The following DLG2 variants were observed in gnomAD, a reference collection of about 807,000 sequenced individuals.
The protein encoded by DLG2 is discs large MAGUK scaffold protein 2.
Under a neutral mutation model 132.5 loss-of-function variants are expected in DLG2, and 45 were observed. The ratio of observed to expected loss-of-function variants is 0.34; its 90% CI spans 0.27 to 0.44. The LOEUF (loss-of-function observed/expected upper bound fraction) is 0.44, where lower values mean the gene tolerates loss of function less well. Among genes scored for constraint, DLG2 ranks in the 20% least tolerant of loss-of-function variants. DLG2 has a pLI of 1.00. For synonymous variants in DLG2, 424 were observed against 419.6 expected, an observed-to-expected ratio of 1.01 and a Z score of -0.13; for missense variants, 1,045 against 1,196.9, an observed-to-expected ratio of 0.87 and a Z score of 1.87.
rs34731158 is a variant in DLG2 at position 83,726,112 on chromosome 11, TA to T, written c.1825+60577del. ...ATCTAAGTGTAAATGTTTTATTTTT[TA>T]AAAAAAATCAGCTGTGAATGTATTC... On this transcript the variant is annotated intron_variant, in intron 18 of 27. Coordinates refer to ENST00000376104, the MANE Select transcript of DLG2 (RefSeq NM_001142699.3). 1.8e-3 allele frequency among the ~76,000 whole-genome samples: 268 copies of T among 152,234 alleles called. 1 individual carries two copies. Among genetic ancestry groups the T allele is most frequent in the African/African-American group, 6.3e-3 (263 of 41,552 alleles).
intron 18 of DLG2, among the ~76,000 whole-genome samples, chr11:83,703,268 G>A (rs2083284319): frequency 6.6e-6 from 1 of 152,138 alleles, no homozygotes; most frequent in South Asian, 2.1e-4. Flanking sequence ...AAAAAACAGT[G>A]ACAAAGAAAC....
At position 85,528,377 on chromosome 11, in the gene DLG2, G is replaced by A. The variant is rs140452894; in HGVS notation, c.40+70280C>T. ...TAATTTTTGTATAAGGTGTAAGGAAGGGGTCCAGTTTCTGTTTACTGCATA... is the reference window on the plus strand; with the variant it reads ...TAATTTTTGTATAAGGTGTAAGGAAAGGGTCCAGTTTCTGTTTACTGCATA... On this transcript the variant is annotated intron_variant, in intron 3 of 27. Coordinates refer to ENST00000376104, the MANE Select transcript of DLG2 (RefSeq NM_001142699.3). Among the ~76,000 whole-genome samples, 47 of 152,248 alleles carry A rather than the reference G, an allele frequency of 3.1e-4. 3 individuals carry two copies. The East Asian group carries it at 8.9e-3, about 29-fold the overall frequency.
intron 7 of DLG2, among the ~76,000 whole-genome samples, chr11:84,441,707 C>A (rs1037874410): frequency 1.3e-5 from 2 of 152,166 alleles, no homozygotes; most frequent in African/African-American, 2.4e-5. Flanking sequence ...ACATGTCAAA[C>A]CTTAAGGGCC....
rs1481051660 is a variant in DLG2, at chr11:83,516,177, T to G, written c.2193+16531A>C. 3.3e-5 allele frequency among the ~76,000 whole-genome samples: 5 copies of G among 152,170 alleles called. No homozygotes were observed. In the South Asian group the frequency reaches 1.0e-3, roughly 32 times the overall value. ...GGGAGTGTAAGTCTCTTTGTAGGTC[T>G]CTAAGGACTTGCTTTATGAATCTGG... On this transcript the variant is annotated intron_variant, in intron 21 of 27. Transcript: ENST00000376104.
chr11:84,661,595 T>C (rs1011845597), intron 6 of DLG2, among the ~76,000 whole-genome samples: 1 of 152,178 alleles, frequency 6.6e-6, no homozygotes, highest in Non-Finnish European at 1.5e-5. Flanking sequence ...TAATTCACTA[T>C]GGACCAAGAG....
At chr11:84,168,576 A>T (rs2154267129) in intron 8 of DLG2, among the ~76,000 whole-genome samples, 1 of 152,296 alleles carries the variant, frequency 6.6e-6, no homozygotes, top group East Asian at 1.9e-4. Context: ...AGTGGCTAGC[A>T]ATGATGACTA....
intron 6 of DLG2, among the ~76,000 whole-genome samples, chr11:84,614,313 G>C (rs1593813198): frequency 6.6e-6 from 1 of 152,096 alleles, no homozygotes; most frequent in Admixed American, 6.6e-5. Context: ...CTTTATGAAA[G>C]AGGTAACGTC....
intron 3 of DLG2, among the ~76,000 whole-genome samples, chr11:85,293,390 C>A (rs1276033598): frequency 6.6e-6 from 1 of 152,040 alleles, no homozygotes; most frequent in Non-Finnish European, 1.5e-5. Context: ...TATAGTGAGA[C>A]CTCATCTCTG....
At chr11:84,097,500 T>A (rs2097181604) in intron 10 of DLG2, among the ~76,000 whole-genome samples, 1 of 152,160 alleles carries the variant, frequency 6.6e-6, no homozygotes, top group African/African-American at 2.4e-5. Flanking sequence ...CATCTTCACT[T>A]ATGCTTTCTG....
chr11:83,963,597 T>C (rs750723641), intron 13 of DLG2, among the ~76,000 whole-genome samples: 1 of 151,978 alleles, frequency 6.6e-6, no homozygotes, highest in African/African-American at 2.4e-5. Context: ...CCATTTTATA[T>C]GTTGAGATGA....
chr11:84,277,931 T>A (rs890469344), intron 7 of DLG2, among the ~76,000 whole-genome samples: 5 of 152,168 alleles, frequency 3.3e-5, no homozygotes, highest in Non-Finnish European at 5.9e-5. Context: ...TTTATTTATT[T>A]ATTCTTATAG....
chr11:84,666,911 C>T (rs1415212676), intron 6 of DLG2, among the ~76,000 whole-genome samples: 1 of 152,110 alleles, frequency 6.6e-6, no homozygotes, highest in African/African-American at 2.4e-5. Context: ...CTGCTAACCA[C>T]TAAAATGCAC....
intron 6 of DLG2, among the ~76,000 whole-genome samples, chr11:84,746,668 CT>C (rs1371994798): frequency 6.6e-6 from 1 of 152,106 alleles, no homozygotes; most frequent in East Asian, 1.9e-4. Context: ...ATTTTCCAGC[CT>C]GGGAATGAAG....
At chr11:84,736,993 T>C (rs1328303539) in intron 6 of DLG2, among the ~76,000 whole-genome samples, 1 of 152,026 alleles carries the variant, frequency 6.6e-6, no homozygotes, top group Non-Finnish European at 1.5e-5. Context: ...ATGTTAGCTA[T>C]AGGTTTTTCA....
chr11:83,633,169 AT>A (rs1235160624), intron 19 of DLG2, 41 bp downstream of exon 19: 1 of 1,580,916 alleles, frequency 6.3e-7, no homozygotes, highest in Non-Finnish European at 8.7e-7. Context: ...CTCAAGTTGA[AT>A]TGCTCACAAA....
chr11:84,526,871 C>T (rs910807554), intron 7 of DLG2, among the ~76,000 whole-genome samples: 1 of 151,090 alleles, frequency 6.6e-6, no homozygotes, highest in African/African-American at 2.4e-5. Context: ...CTCCGCCTCC[C>T]GGGTTCACGC....
At chr11:84,685,868 T>C (rs1595734649) in intron 6 of DLG2, among the ~76,000 whole-genome samples, 1 of 152,108 alleles carries the variant, frequency 6.6e-6, no homozygotes, top group Admixed American at 6.5e-5. Flanking sequence ...TTGTATTTTT[T>C]AGTAGAGACG....
chr11:83,785,983 A>G (rs1421662860), intron 18 of DLG2, among the ~76,000 whole-genome samples: 4 of 152,198 alleles, frequency 2.6e-5, no homozygotes, highest in Non-Finnish European at 4.4e-5. Context: ...AGTACGTTTC[A>G]TTTCCAAAGG....
chr11:84,982,212 C>G (rs1183025092), intron 6 of DLG2, among the ~76,000 whole-genome samples: 1 of 128,180 alleles, frequency 7.8e-6, no homozygotes, highest in Non-Finnish European at 1.7e-5. Flanking sequence ...ATAGCTACCT[C>G]AAATTACTTC....
Sources: allele counts gnomAD v4.1 joint callset (sites outside exome capture counted in the v4.1 genomes callset), GRCh38; gene constraint gnomAD v4.1.1; transcripts MANE v1.5; gene names NCBI Gene and HGNC (gene_info 2026-07-23, HGNC 2026-07-21).